IRX1: variants seen among roughly 807,000 people sequenced by gnomAD.
IRX1 encodes the protein iroquois-class homeodomain protein IRX-1.
In IRX1, 22 loss-of-function variants were observed where a neutral mutation model predicts 34.1. The observed-to-expected ratio is 0.64, with a 90% confidence interval of 0.46 to 0.92. The LOEUF is 0.92. IRX1 is among the 40% of genes least tolerant of loss of function. The pLI is 0.00. For missense variants in IRX1, 758 were observed against 680.0 expected (o/e 1.11, Z -1.28); for synonymous variants, 363 against 319.0 (o/e 1.14, Z -1.47).
chr5:3,600,235 G>C lies in IRX1; in HGVS notation c.1287G>C (p.Ser429=), dbSNP rs749522598. 1.2e-6 allele frequency: 2 copies of C among 1,601,806 alleles called. No homozygotes were observed. Among genetic ancestry groups the C allele is most frequent in the South Asian group, 2.2e-5 (2 of 90,236 alleles). Residue 429 remains serine (S), a synonymous_variant, in exon 2 of 4, where the codon TCG becomes TCC. Coordinates refer to ENST00000302006, the MANE Select transcript of IRX1 (RefSeq NM_024337.4). ...GGGCACTCAATGGAGACAAGGCCTC[G>C]GTCCGCAGCAGCCCCACGCTCCCAG... ...APGALNGDKA[S]VRSSPTLPER...
rs775212725 is a variant in IRX1, at chr5:3,599,518, G to C, written c.570G>C (p.Lys190Asn). 5.0e-6 allele frequency: 8 copies of C among 1,614,094 alleles called. No homozygotes were observed. The East Asian group carries it at 1.8e-4, about 36-fold the overall frequency. ...NARRRLKKEN[K>N]VTWGARSKDQ... is the part of the protein sequence containing the mutation. The stretch of plus-strand genomic sequence containing the variant: ...GCCGGCGCCTCAAGAAGGAGAACAA[G>C]GTGACATGGGGAGCGCGCAGCAAGG... Residue 190 changes from lysine to asparagine, a missense_variant, in exon 2 of 4, where the codon AAG becomes AAC. Physicochemically the swap from Lys to Asn is moderately conservative, Grantham distance 94. Around this residue, in one of 3 missense-constraint regions of IRX1, gnomAD observed 529 missense variants for 418.8 expected, o/e 1.26. Transcript: ENST00000302006. This position sits in a 1 kb window ranked among gnomAD's most constrained non-coding sequence, Gnocchi z 6.6.
chr5:3,599,292 C>T lies in IRX1; in HGVS notation c.344C>T (p.Pro115Leu), dbSNP rs373456065. The T allele has an allele frequency of 1.2e-6, 2 of 1,613,958 alleles. No homozygotes were observed. The highest frequency in any genetic ancestry group is 1.7e-5 in the Admixed American group (1 of 60,006). The stretch of plus-strand genomic sequence containing the variant: ...GCCACCTTCGCAGCCCACACGGCGC[C>T]GGCTTATTACCCCTACGGCCAGTTC... ...HPATFAAHTA[P>L]AYYPYGQFQY... The change falls in exon 2 of 4, where the codon CCG (proline) becomes CTG (leucine). Residue 115 changes from proline (P) to leucine (L), a missense_variant. Transcript: ENST00000302006. This position sits in a 1 kb window ranked among gnomAD's most constrained non-coding sequence, Gnocchi z 6.6.
intron 1 of IRX1, among the ~76,000 whole-genome samples, chr5:3,597,204 T>C (rs1280426043): frequency 2.0e-5 from 3 of 152,172 alleles, no homozygotes; most frequent in Non-Finnish European, 4.4e-5. Context: ...GGGCGTTAGA[T>C]GTCGGGGCAG....
chr5:3,599,827 C>T lies in IRX1; in HGVS notation c.879C>T (p.Ser293=). 1.3e-6 allele frequency: 2 copies of T among 1,566,042 alleles called. No individual in the cohort carries two copies. Residue 293 remains serine (S), a synonymous_variant, in exon 2 of 4, where the codon AGC becomes AGT. Transcript: ENST00000302006. The surrounding 1 kb of genome is among the most constrained non-coding windows in gnomAD (Gnocchi z 6.6). ...GLAKEAPEPG[S]TRLLSPGAAA... Reference sequence around the variant, plus strand: ...CAAAGGAGGCCCCAGAGCCGGGCAGCACGCGCCTGCTGAGCCCCGGCGCTG... The same window carrying T: ...CAAAGGAGGCCCCAGAGCCGGGCAGTACGCGCCTGCTGAGCCCCGGCGCTG...
Position 3,599,981 on chromosome 5 carries a change from G to C in IRX1, c.1033G>C (p.Gly345Arg), listed in dbSNP as rs767434459. The change falls in exon 2 of 4, where the codon GGG (glycine) becomes CGG (arginine). Residue 345 changes from glycine (G) to arginine (R), a missense_variant. Gly to Arg is a moderately radical substitution (Grantham distance 125). Transcript: ENST00000302006. This position sits in a 1 kb window ranked among gnomAD's most constrained non-coding sequence, Gnocchi z 6.6. ...ACCCGCGGGCCACCCCGGCGCGCAC[G>C]GGCCCTCCGCCGGGGCGCCGCTGCA... is the stretch of plus-strand genomic sequence containing the variant. ...PPPAGHPGAH[G>R]PSAGAPLQHP... 3.3e-6 allele frequency: 5 copies of C among 1,511,800 alleles called. No individual in the cohort carries two copies. The highest frequency in any genetic ancestry group is 4.4e-6 in the Non-Finnish European group (5 of 1,125,218). The allele number at this position is 1,511,800 out of a possible 1,614,324, so 93.6% of individuals were successfully genotyped here.
Position 3,595,856 on chromosome 5 carries a change from C to A in IRX1, c.-250C>A, listed in dbSNP as rs942706202. Among the ~76,000 whole-genome samples the A allele has an allele frequency of 4.6e-5, 7 of 150,956 alleles. No individual in the cohort carries two copies. Among genetic ancestry groups the A allele is most frequent in the African/African-American group, 1.5e-4 (6 of 41,294 alleles). On this transcript the variant is annotated 5_prime_UTR_variant, in exon 1 of 4. Transcript: ENST00000302006. ...TGTGTCTGAAAGCCCCGCCGCCGAG[C>A]GGAGGGCGGCCGCCGCAGTCGGCGC...
In IRX1 at chr5:3,599,546, C is replaced by G. The variant is rs143830823; in HGVS notation, c.598C>G (p.Gln200Glu). 44 of 1,614,152 alleles carry G rather than the reference C, an allele frequency of 2.7e-5. No homozygotes were observed. The African/African-American group carries it at 4.5e-4, about 17-fold the overall frequency. ...KVTWGARSKD[Q>E]EDGALFGSDT... ...GACATGGGGAGCGCGCAGCAAGGAC[C>G]AGGAAGATGGAGCGCTCTTCGGCAG... Residue 200 changes from glutamine (Q) to glutamate (E), a missense_variant, in exon 2 of 4, where the codon CAG (glutamine) becomes GAG (glutamate). Coordinates refer to ENST00000302006, the MANE Select transcript of IRX1 (RefSeq NM_024337.4). The surrounding 1 kb of genome is among the most constrained non-coding windows in gnomAD (Gnocchi z 6.6).
chr5:3,599,849 G>C lies in IRX1; in HGVS notation c.901G>C (p.Ala301Pro). The C allele has an allele frequency of 6.5e-7, 1 of 1,532,508 alleles. No individual in the cohort carries two copies. Among genetic ancestry groups the C allele is most frequent in the East Asian group, 2.4e-5 (1 of 41,390 alleles). The allele number at this position is 1,532,508 out of a possible 1,614,324, so 94.9% of individuals were successfully genotyped here. A position where few individuals can be genotyped will look rare whatever the true frequency, so the allele number is the denominator to read the frequency against. The stretch of plus-strand genomic sequence containing the variant: ...CAGCACGCGCCTGCTGAGCCCCGGC[G>C]CTGCAGCGGGCGGCCTGCAGGGTGC... ...PGSTRLLSPG[A>P]AAGGLQGAPH... Residue 301 changes from alanine (A) to proline (P), a missense_variant, in exon 2 of 4, where the codon GCT becomes CCT. This residue lies in a region of IRX1 where 529 missense variants were observed against 418.8 expected (regional missense o/e 1.26). Transcript: ENST00000302006. The surrounding 1 kb of genome is among the most constrained non-coding windows in gnomAD (Gnocchi z 6.6).
chr5:3,596,721 G>T (rs778024597), intron 1 of IRX1, among the ~76,000 whole-genome samples: 2 of 152,158 alleles, frequency 1.3e-5, no homozygotes, highest in Non-Finnish European at 2.9e-5. Context: ...CGGCCAGGGC[G>T]CCCGGGCAGG....
In IRX1 at chr5:3,596,031, C is replaced by T; in HGVS notation, c.-75C>T. ...ACCCCTCGCGGCGCCCCCTGCAACC[C>T]CCTCCGGCCGGCCTCCGCCTCCCTC... is the stretch of plus-strand genomic sequence containing the variant. On this transcript the variant is annotated 5_prime_UTR_variant, in exon 1 of 4. Transcript: ENST00000302006. The T allele has an allele frequency of 1.1e-5, 11 of 961,992 alleles. No homozygotes were observed. The highest frequency in any genetic ancestry group is 1.2e-5 in the Non-Finnish European group (10 of 803,012). 59.6% of individuals were successfully genotyped at this position (961,992 alleles called of 1,614,324 possible). A position where few individuals can be genotyped will look rare whatever the true frequency, so the allele number is the denominator to read the frequency against.
At position 3,599,144 on chromosome 5, in the gene IRX1, A is replaced by C; in HGVS notation, c.277-81A>C. On this transcript the variant is annotated intron_variant, in intron 1 of 3. Coordinates refer to ENST00000302006, the MANE Select transcript of IRX1 (RefSeq NM_024337.4). The surrounding 1 kb of genome is among the most constrained non-coding windows in gnomAD (Gnocchi z 6.6). ...TGCTTCCCACTCTCCCGTCTTGGGG[A>C]CTCATGTCTCTCTCTCTCTCTCCCT... The C allele has an allele frequency of 9.9e-4, 1,208 of 1,224,104 alleles. No individual in the cohort carries two copies. The highest frequency in any genetic ancestry group is 1.3e-3 in the Non-Finnish European group (1,101 of 876,846). The allele number at this position is 1,224,104 out of a possible 1,614,324, so 75.8% of individuals were successfully genotyped here. A position where few individuals can be genotyped will look rare whatever the true frequency, so the allele number is the denominator to read the frequency against.
intron 1 of IRX1, 121 bp downstream of exon 1, chr5:3,596,502 T>C: frequency 9.5e-7 from 1 of 1,049,434 alleles, no homozygotes; most frequent in Non-Finnish European, 1.2e-6. Context: ...ACTAGAAAGG[T>C]CCGGGGGCAG....
Position 3,599,484 on chromosome 5 carries a change from C to G in IRX1, c.536C>G (p.Ala179Gly). 6.2e-7 allele frequency: 1 copy of G among 1,614,128 alleles called. No individual in the cohort carries two copies. Among genetic ancestry groups the G allele is most frequent in the Non-Finnish European group, 8.5e-7 (1 of 1,180,018 alleles). Reference sequence around the variant, plus strand: ...CTCACGCAGGTCTCCACCTGGTTCGCCAACGCGCGCCGGCGCCTCAAGAAG... The same window carrying G: ...CTCACGCAGGTCTCCACCTGGTTCGGCAACGCGCGCCGGCGCCTCAAGAAG... ...MTLTQVSTWFANARRRLKKEN... is the reference protein window; with the variant it reads ...MTLTQVSTWFGNARRRLKKEN... Residue 179 changes from alanine to glycine, a missense_variant, in exon 2 of 4, where the codon GCC (alanine) becomes GGC (glycine). Around this residue, in one of 3 missense-constraint regions of IRX1, gnomAD observed 34 missense variants for 66.2 expected, o/e 0.51. Coordinates refer to ENST00000302006, the MANE Select transcript of IRX1 (RefSeq NM_024337.4). The surrounding 1 kb of genome is among the most constrained non-coding windows in gnomAD (Gnocchi z 6.6).
chr5:3,599,994 G>A lies in IRX1; in HGVS notation c.1046G>A (p.Gly349Glu). 2.0e-6 allele frequency: 3 copies of A among 1,519,048 alleles called. No individual in the cohort carries two copies. Among genetic ancestry groups the A allele is most frequent in the South Asian group, 1.2e-5 (1 of 80,098 alleles). 94.1% of individuals were successfully genotyped at this position (1,519,048 alleles called of 1,614,324 possible). A position where few individuals can be genotyped will look rare whatever the true frequency, so the allele number is the denominator to read the frequency against. The change falls in exon 2 of 4, where the codon GGG (glycine) becomes GAG (glutamate). Residue 349 changes from glycine to glutamate, a missense_variant. This residue lies in a region of IRX1 where 529 missense variants were observed against 418.8 expected (regional missense o/e 1.26). Coordinates refer to ENST00000302006, the MANE Select transcript of IRX1 (RefSeq NM_024337.4). The surrounding 1 kb of genome is among the most constrained non-coding windows in gnomAD (Gnocchi z 6.6). ...GHPGAHGPSAGAPLQHPAFLP... is the reference protein window; with the variant it reads ...GHPGAHGPSAEAPLQHPAFLP... ...CCCGGCGCGCACGGGCCCTCCGCCG[G>A]GGCGCCGCTGCAACACCCCGCCTTC...
chr5:3,599,148 A>C lies in IRX1; in HGVS notation c.277-77A>C. The C allele has an allele frequency of 2.2e-6, 3 of 1,376,278 alleles. No homozygotes were observed. The highest frequency in any genetic ancestry group is 2.0e-6 in the Non-Finnish European group (2 of 1,008,876). 85.3% of individuals were successfully genotyped at this position (1,376,278 alleles called of 1,614,324 possible). On this transcript the variant is annotated intron_variant, in intron 1 of 3. Transcript: ENST00000302006. The surrounding 1 kb of genome is among the most constrained non-coding windows in gnomAD (Gnocchi z 6.6). ...TCCCACTCTCCCGTCTTGGGGACTC[A>C]TGTCTCTCTCTCTCTCTCCCTTTCT...
chr5:3,599,368 C>A lies in IRX1; in HGVS notation c.420C>A (p.Ser140Arg). Residue 140 changes from serine to arginine, a missense_variant, in exon 2 of 4, where the codon AGC becomes AGA. This residue lies in a region of IRX1 where 195 missense variants were observed against 195.0 expected (regional missense o/e 1.00). Coordinates refer to ENST00000302006, the MANE Select transcript of IRX1 (RefSeq NM_024337.4). This position sits in a 1 kb window ranked among gnomAD's most constrained non-coding sequence, Gnocchi z 6.6. ...AGAACGCCACCCGCGAGAGCACCAG[C>A]ACGCTCAAGGCCTGGCTCAACGAGC... ...RPKNATREST[S>R]TLKAWLNEHR... The A allele has an allele frequency of 6.2e-7, 1 of 1,614,144 alleles. No individual in the cohort carries two copies. The highest frequency in any genetic ancestry group is 8.5e-7 in the Non-Finnish European group (1 of 1,180,034).
intron 2 of IRX1, among the ~76,000 whole-genome samples, 164 bp downstream of exon 2, chr5:3,600,424 G>T (rs534760397): frequency 4.6e-5 from 7 of 152,364 alleles, no homozygotes; most frequent in East Asian, 1.9e-4. Flanking sequence ...GCCAGACAAG[G>T]CCCTAGGGCT....
At chr5:3,596,450 C>A (rs1170701043) in intron 1 of IRX1, 69 bp downstream of exon 1, 2 of 1,351,654 alleles carry the variant, frequency 1.5e-6, no homozygotes, top group Non-Finnish European at 1.9e-6. Context: ...GGCGGGTCGC[C>A]CGGGAGGGAG....
Position 3,599,737 on chromosome 5 carries a change from G to C in IRX1, c.789G>C (p.Arg263=), listed in dbSNP as rs759260211. ...CCGCAGCCCCTTCTGCTCTTGCCCG[G>C]GACCAAGGCTCGCCGCTGGCAGCAG... ...HAPAAPSALA[R]DQGSPLAAAD... Residue 263 remains arginine (R), a synonymous_variant, in exon 2 of 4, where the codon CGG becomes CGC. Coordinates refer to ENST00000302006, the MANE Select transcript of IRX1 (RefSeq NM_024337.4). This position sits in a 1 kb window ranked among gnomAD's most constrained non-coding sequence, Gnocchi z 6.6. The C allele has an allele frequency of 6.2e-7, 1 of 1,611,678 alleles. No individual in the cohort carries two copies. The highest frequency in any genetic ancestry group is 8.5e-7 in the Non-Finnish European group (1 of 1,179,670).
Sources: gnomAD v4.1 joint callset for allele counts (sites outside exome capture counted in the v4.1 genomes callset) on GRCh38, gnomAD v4.1.1 for gene constraint, gnomAD v4.1.1 regional missense constraint, Gnocchi (gnomAD v3.1) non-coding constraint, MANE v1.5 for transcripts, NCBI Gene and HGNC (gene_info 2026-07-23, HGNC 2026-07-21) for gene names.